Variants in MYT1L observed in about 807,000 individuals in gnomAD.
MYT1L encodes myelin transcription factor 1-like protein.
MYT1L carries 12 observed loss-of-function variants against 126.7 expected under a neutral mutation model. The observed-to-expected ratio is 0.09, with a 90% CI of 0.06 to 0.15. The LOEUF is 0.15. Ranked by LOEUF, MYT1L falls within the 10% of genes least tolerant of loss-of-function variation. The pLI is 1.00. For synonymous variants in MYT1L, 541 were observed against 604.2 expected (o/e 0.90, Z 1.53); for missense variants, 979 against 1,585.2 (o/e 0.62, Z 6.49).
chr2:2,287,796 C>G (rs1289550345), intron 1 of MYT1L, among the ~76,000 whole-genome samples: 2 of 152,166 alleles, frequency 1.3e-5, no homozygotes, highest in Non-Finnish European at 2.9e-5. Context: ...ACGTTTTAGG[C>G]AGAAGAGAAG....
intron 13 of MYT1L, among the ~76,000 whole-genome samples, chr2:1,906,960 AT>A (rs1393247161): frequency 3.3e-5 from 5 of 151,234 alleles, no homozygotes; most frequent in Non-Finnish European, 7.4e-5. Context: ...AATAAAAAAA[AT>A]ATTAGCCAGG....
chr2:2,312,702 T>C (rs1338107507), intron 1 of MYT1L, among the ~76,000 whole-genome samples: 8 of 152,188 alleles, frequency 5.3e-5, no homozygotes, highest in Admixed American at 5.2e-4. Context: ...ATTCCCACTC[T>C]TCTTATGTTT....
intron 2 of MYT1L, among the ~76,000 whole-genome samples, chr2:2,271,490 C>A (rs761523218): frequency 6.6e-6 from 1 of 152,186 alleles, no homozygotes; most frequent in Non-Finnish European, 1.5e-5. Flanking sequence ...TCTGTCTGCA[C>A]GTCTCCTAGA....
intron 8 of MYT1L, among the ~76,000 whole-genome samples, chr2:1,968,759 G>C (rs1265301572): frequency 6.6e-6 from 1 of 152,180 alleles, no homozygotes; most frequent in Non-Finnish European, 1.5e-5. Flanking sequence ...GCTCCTCACT[G>C]GGCTCTCTTT....
chr2:2,186,889 CACTGATTTAA>C (rs1461536317), intron 2 of MYT1L, among the ~76,000 whole-genome samples: 1 of 152,144 alleles, frequency 6.6e-6, no homozygotes, highest in Non-Finnish European at 1.5e-5. Flanking sequence ...TCTTTATTGG[CACTGATTTAA>C]AAAGATCTGT....
Position 1,977,878 on chromosome 2 carries a change from AAAT to A in MYT1L, c.152+1284_152+1286del, listed in dbSNP as rs1253327271. On this transcript the variant is annotated intron_variant, in intron 8 of 24. Coordinates refer to ENST00000647738, the MANE Select transcript of MYT1L (RefSeq NM_001303052.2). ...ATGCTGACATATATATTTCTTCATAAAATAATACTTTAAGTAAACTACTTATTT... is the reference window on the plus strand; with the variant it reads ...ATGCTGACATATATATTTCTTCATAAAATACTTTAAGTAAACTACTTATTT... Among the ~76,000 whole-genome samples the A allele has an allele frequency of 9.8e-5, 15 of 152,326 alleles. No individual in the cohort carries two copies. The South Asian group carries it at 1.0e-3, about 11-fold the overall frequency.
At chr2:1,859,422 G>A (rs1265277296) in intron 18 of MYT1L, among the ~76,000 whole-genome samples, 1 of 152,152 alleles carries the variant, frequency 6.6e-6, no homozygotes, top group African/African-American at 2.4e-5. Context: ...TGACGCAGAT[G>A]AGATTTTGGA....
intron 18 of MYT1L, among the ~76,000 whole-genome samples, chr2:1,853,900 T>TA (rs778831709): frequency 9.3e-4 from 141 of 152,200 alleles, no homozygotes; most frequent in Non-Finnish European, 1.7e-3. Flanking sequence ...TGGTAGTTTT[T>TA]ATGTGTTTAA....
chr2:1,972,048 G>A (rs1217293632), intron 8 of MYT1L, among the ~76,000 whole-genome samples: 1 of 152,210 alleles, frequency 6.6e-6, no homozygotes, highest in Non-Finnish European at 1.5e-5. Flanking sequence ...CTTACGGGGA[G>A]GGTGTGGGGG....
intron 3 of MYT1L, among the ~76,000 whole-genome samples, chr2:2,102,038 C>T (rs1055817415): frequency 1.3e-5 from 2 of 152,172 alleles, no homozygotes; most frequent in African/African-American, 4.8e-5. Flanking sequence ...TTCCTGAATA[C>T]ATTATCTCAG....
chr2:1,879,186 C>T (rs1048625327), intron 18 of MYT1L, among the ~76,000 whole-genome samples: 3 of 152,142 alleles, frequency 2.0e-5, no homozygotes, highest in South Asian at 2.1e-4. Flanking sequence ...TGGGAGAGAA[C>T]GAGTCTCTCC....
intron 9 of MYT1L, 37 bp from the exon 10 acceptor site, chr2:1,923,300 A>T: frequency 1.3e-6 from 2 of 1,521,870 alleles, no homozygotes; most frequent in Non-Finnish European, 1.8e-6. Flanking sequence ...AAGAAAAGAA[A>T]AGGAAAAAGT....
intron 8 of MYT1L, among the ~76,000 whole-genome samples, chr2:1,970,904 G>A (rs927465241): frequency 1.6e-4 from 25 of 152,132 alleles, no homozygotes; most frequent in Non-Finnish European, 3.2e-4. Flanking sequence ...TGTGAAATCT[G>A]GCCTTGACCA....
rs2094071842 is a variant in MYT1L, at chr2:2,228,396, G to A, written c.-420-55408C>T. 6.6e-6 allele frequency among the ~76,000 whole-genome samples: 1 copy of A among 152,160 alleles called. No individual in the cohort carries two copies. The highest frequency in any genetic ancestry group is 6.5e-5 in the Admixed American group (1 of 15,274). On this transcript the variant is annotated intron_variant, in intron 2 of 24. Coordinates refer to ENST00000647738, the MANE Select transcript of MYT1L (RefSeq NM_001303052.2). This position sits in a 1 kb window ranked among gnomAD's most constrained non-coding sequence, Gnocchi z 5.9. Reference sequence around the variant, plus strand: ...GTTACTTACCATTGTGTTAGATTTTGAATACTGTAGTGAATGAATGTCTTA... The same window carrying A: ...GTTACTTACCATTGTGTTAGATTTTAAATACTGTAGTGAATGAATGTCTTA...
chr2:2,146,816 T>C (rs941139096), intron 3 of MYT1L, among the ~76,000 whole-genome samples: 1 of 152,236 alleles, frequency 6.6e-6, no homozygotes, highest in Non-Finnish European at 1.5e-5. Flanking sequence ...CACTTTACAA[T>C]GCATCTCCTT....
chr2:2,046,911 T>C (rs958424945), intron 4 of MYT1L, among the ~76,000 whole-genome samples: 3 of 152,230 alleles, frequency 2.0e-5, no homozygotes, highest in African/African-American at 7.2e-5. Context: ...CATGACTTAG[T>C]GACTCCACTT....
chr2:2,004,732 G>A (rs1473506942), intron 4 of MYT1L, among the ~76,000 whole-genome samples: 1,775 of 97,790 alleles, frequency 0.018, 23 homozygotes, highest in African/African-American at 0.075. Flanking sequence ...TCTTTCCTGC[G>A]TGCCTTCTTT....
At chr2:2,017,730 A>C (rs909170611) in intron 4 of MYT1L, among the ~76,000 whole-genome samples, 1 of 150,432 alleles carries the variant, frequency 6.6e-6, no homozygotes, top group Admixed American at 6.6e-5. Flanking sequence ...CCATCCCTCC[A>C]TCCATCCATC....
chr2:1,887,482 G>A lies in MYT1L; in HGVS notation c.2642+6C>T, dbSNP rs2048306588. Reference sequence around the variant, plus strand: ...GATTCATAATTTCACCTCACAGCATGCTTACGTTATTAAGTCCTTTTTGCT... The same window carrying A: ...GATTCATAATTTCACCTCACAGCATACTTACGTTATTAAGTCCTTTTTGCT... On this transcript the variant is annotated splice_donor_region_variant and intron_variant, in intron 17 of 24. Transcript: ENST00000647738. The surrounding 1 kb of genome is among the most constrained non-coding windows in gnomAD (Gnocchi z 4.8). The A allele has an allele frequency of 1.2e-6, 2 of 1,614,002 alleles. No homozygotes were observed. The highest frequency in any genetic ancestry group is 1.7e-6 in the Non-Finnish European group (2 of 1,179,890).
Sources: gnomAD v4.1 joint callset for allele counts (sites outside exome capture counted in the v4.1 genomes callset) on GRCh38, gnomAD v4.1.1 for gene constraint, Gnocchi (gnomAD v3.1) non-coding constraint, MANE v1.5 for transcripts, NCBI Gene and HGNC (gene_info 2026-07-23, HGNC 2026-07-21) for gene names.